The following PCDHB7 variants were observed in gnomAD, a reference collection of about 807,000 sequenced individuals.
PCDHB7 encodes protocadherin beta 7, also known as protocadherin beta-7.
For missense variants in PCDHB7, 1,148 were observed against 1,011.6 expected (o/e 1.13, Z -1.83); for synonymous variants, 542 against 463.1 (o/e 1.17, Z -2.19).
In PCDHB7 at chr5:141,175,963, G is replaced by C. The variant is rs1554280599; in HGVS notation, c.*746G>C. On this transcript the variant is annotated 3_prime_UTR_variant, in exon 1 of 1. Transcript: ENST00000231137. The stretch of plus-strand genomic sequence containing the variant: ...TATTTTCTTATACACCAAAAGTCCT[G>C]CTTTTCTGGGTCAATTTTCAACTAT... The C allele has an allele frequency of 1.2e-5, 2 of 167,136 alleles. No homozygotes were observed. The highest frequency in any genetic ancestry group is 1.3e-4 in the Admixed American group (2 of 15,280). The allele number at this position is 167,136 out of a possible 1,614,324, so 10.4% of individuals were successfully genotyped here. A position where few individuals can be genotyped will look rare whatever the true frequency, so the allele number is the denominator to read the frequency against.
At position 141,175,333 on chromosome 5, in the gene PCDHB7, G is replaced by A. The variant is rs561001565; in HGVS notation, c.*116G>A. The A allele has an allele frequency of 1.2e-4, 140 of 1,130,862 alleles. 3 individuals are homozygous for A. The South Asian group carries it at 2.3e-3, about 19-fold the overall frequency. The allele number at this position is 1,130,862 out of a possible 1,614,324, so 70.1% of individuals were successfully genotyped here. A position where few individuals can be genotyped will look rare whatever the true frequency, so the allele number is the denominator to read the frequency against. On this transcript the variant is annotated 3_prime_UTR_variant, in exon 1 of 1. Transcript: ENST00000231137. ...TTCAAATATGTACTCTTGAAGTCAA[G>A]CAATAAATTTCTATACATAAAATAG...
rs115264222 is a variant in PCDHB7 at position 141,174,218 on chromosome 5, T to A, written c.1383T>A (p.Arg461=). ...AAACCTCCTACACCCTGTTTGTCCG[T>A]GAGAACAACAGCCCCGCCCTGCCCA... ...FTQTSYTLFV[R]ENNSPALPIG... The change falls in exon 1 of 1, where the codon CGT becomes CGA. Residue 461 remains arginine, a synonymous_variant. Transcript: ENST00000231137. The A allele has an allele frequency of 1.3e-4, 209 of 1,613,170 alleles. No individual in the cohort carries two copies. Among genetic ancestry groups the A allele is most frequent in the Non-Finnish European group, 1.7e-4 (202 of 1,180,012 alleles).
rs781938204 is a variant in PCDHB7, at chr5:141,173,971, G to C, written c.1136G>C (p.Gly379Ala). 1.4e-5 allele frequency: 23 copies of C among 1,613,998 alleles called. No individual in the cohort carries two copies. The South Asian group carries it at 2.4e-4, about 17-fold the overall frequency. ...AGAGACAGAGATTCCGGGAACAATGGAAAGACAGTGTGCTCCATCCAGGAC... is the reference window on the plus strand; with the variant it reads ...AGAGACAGAGATTCCGGGAACAATGCAAAGACAGTGTGCTCCATCCAGGAC... ...RIRDRDSGNN[G>A]KTVCSIQDDV... The change falls in exon 1 of 1, where the codon GGA becomes GCA. Residue 379 changes from glycine (G) to alanine (A), a missense_variant. Gly to Ala is a moderately conservative substitution (Grantham distance 60, BLOSUM62 0). Coordinates refer to ENST00000231137, the MANE Select transcript of PCDHB7 (RefSeq NM_018940.4).
In PCDHB7 at chr5:141,174,525, C is replaced by G. The variant is rs1753320577; in HGVS notation, c.1690C>G (p.Pro564Ala). The G allele has an allele frequency of 6.2e-7, 1 of 1,610,538 alleles. No homozygotes were observed. Among genetic ancestry groups the G allele is most frequent in the Non-Finnish European group, 8.5e-7 (1 of 1,179,654 alleles). ...CGACAACTCGCCCTTCGTGCTGTAC[C>G]CGCTGCAGAACAGCTCCGCGCCCTG... ...ANDNSPFVLYPLQNSSAPCTE... is the reference protein window; with the variant it reads ...ANDNSPFVLYALQNSSAPCTE... The change falls in exon 1 of 1, where the codon CCG (proline) becomes GCG (alanine). Residue 564 changes from proline to alanine, a missense_variant. Transcript: ENST00000231137.
rs1219475216 is a variant in PCDHB7, at chr5:141,172,645, G to C, written c.-191G>C. ...CAAAGAAAGGATGTTACAGATTCCA[G>C]AGCAAAGAGGCAATCTGAAGAGAAA... On this transcript the variant is annotated 5_prime_UTR_variant, in exon 1 of 1. Coordinates refer to ENST00000231137, the MANE Select transcript of PCDHB7 (RefSeq NM_018940.4). 14 of 520,034 alleles carry C rather than the reference G, an allele frequency of 2.7e-5. No individual in the cohort carries two copies. Among genetic ancestry groups the C allele is most frequent in the African/African-American group, 2.7e-4 (14 of 52,242 alleles). 32.2% of individuals were successfully genotyped at this position (520,034 alleles called of 1,614,324 possible). A position where few individuals can be genotyped will look rare whatever the true frequency, so the allele number is the denominator to read the frequency against.
rs1554279953 is a variant in PCDHB7, at chr5:141,173,261, A to G, written c.426A>G (p.Ile142Met). ...TAGACAGAGAGATTTCCTTGAAAAT[A>G]TTAGAAAGTACCACTCCAGGGGCGG... ...VFLDREISLK[I>M]LESTTPGAAF... The change falls in exon 1 of 1, where the codon ATA becomes ATG. Residue 142 changes from isoleucine (I) to methionine (M), a missense_variant. Coordinates refer to ENST00000231137, the MANE Select transcript of PCDHB7 (RefSeq NM_018940.4). 4 of 1,614,170 alleles carry G rather than the reference A, an allele frequency of 2.5e-6. No individual in the cohort carries two copies. Among genetic ancestry groups the G allele is most frequent in the Non-Finnish European group, 8.5e-7 (1 of 1,180,032 alleles).
chr5:141,173,627 G>A lies in PCDHB7; in HGVS notation c.792G>A (p.Val264=), dbSNP rs562999918. 25 of 1,614,124 alleles carry A rather than the reference G, an allele frequency of 1.5e-5. No homozygotes were observed. The South Asian group carries it at 2.5e-4, about 16-fold the overall frequency. Residue 264 remains valine, a synonymous_variant, in exon 1 of 1, where the codon GTG becomes GTA. Coordinates refer to ENST00000231137, the MANE Select transcript of PCDHB7 (RefSeq NM_018940.4). ...CCGTTGGTTCCATGGTTGTCTCCGT[G>A]TCAGCCAGAGATTTAGATACCGGAA... The part of the protein sequence containing the change: ...NSPVGSMVVS[V]SARDLDTGSN...
Position 141,174,023 on chromosome 5 carries a change from T to G in PCDHB7, c.1188T>G (p.Ser396=). The G allele has an allele frequency of 6.2e-7, 1 of 1,614,210 alleles. No individual in the cohort carries two copies. The highest frequency in any genetic ancestry group is 8.5e-7 in the Non-Finnish European group (1 of 1,180,030). ...QDDVPFILKP[S]VENFYTLVTE... ...ATGTCCCCTTCATCCTGAAGCCATCTGTCGAAAACTTCTATACTCTGGTAA... is the reference window on the plus strand; with the variant it reads ...ATGTCCCCTTCATCCTGAAGCCATCGGTCGAAAACTTCTATACTCTGGTAA... The change falls in exon 1 of 1, where the codon TCT becomes TCG. Residue 396 remains serine (S), a synonymous_variant. Coordinates refer to ENST00000231137, the MANE Select transcript of PCDHB7 (RefSeq NM_018940.4).
rs1245862030 is a variant in PCDHB7 at position 141,175,489 on chromosome 5, T to C, written c.*272T>C. 3 of 477,368 alleles carry C rather than the reference T, an allele frequency of 6.3e-6. No individual in the cohort carries two copies. Among genetic ancestry groups the C allele is most frequent in the African/African-American group, 2.1e-5 (1 of 47,804 alleles). 29.6% of individuals were successfully genotyped at this position (477,368 alleles called of 1,614,324 possible). On this transcript the variant is annotated 3_prime_UTR_variant, in exon 1 of 1. Coordinates refer to ENST00000231137, the MANE Select transcript of PCDHB7 (RefSeq NM_018940.4). Reference sequence around the variant, plus strand: ...TTGTTTGAGATATTTTAAATTGCTTTCCATTGTTTTCAATCTCTACTGAGA... The same window carrying C: ...TTGTTTGAGATATTTTAAATTGCTTCCCATTGTTTTCAATCTCTACTGAGA...
rs2149653044 is a variant in PCDHB7, at chr5:141,174,220, A to G, written c.1385A>G (p.Glu462Gly). The change falls in exon 1 of 1, where the codon GAG becomes GGG. Residue 462 changes from glutamate (E) to glycine (G), a missense_variant. Coordinates refer to ENST00000231137, the MANE Select transcript of PCDHB7 (RefSeq NM_018940.4). Reference sequence around the variant, plus strand: ...ACCTCCTACACCCTGTTTGTCCGTGAGAACAACAGCCCCGCCCTGCCCATC... The same window carrying G: ...ACCTCCTACACCCTGTTTGTCCGTGGGAACAACAGCCCCGCCCTGCCCATC... ...TQTSYTLFVR[E>G]NNSPALPIGS... 2 of 1,613,336 alleles carry G rather than the reference A, an allele frequency of 1.2e-6. No homozygotes were observed. Among genetic ancestry groups the G allele is most frequent in the Non-Finnish European group, 1.7e-6 (2 of 1,180,040 alleles).
rs782019675 is a variant in PCDHB7 at position 141,174,266 on chromosome 5, C to CA, written c.1432dup (p.Arg478LysfsTer250). 1 of 1,612,516 alleles carries CA rather than the reference C, an allele frequency of 6.2e-7. No individual in the cohort carries two copies. Among genetic ancestry groups the CA allele is most frequent in the Non-Finnish European group, 8.5e-7 (1 of 1,179,616 alleles). ...CCATCGGCAGTGTCAGCGCCACAGA[C>CA]AGAGACTCGGGCACCAACGCCCAGG... On this transcript the variant is annotated frameshift_variant, in exon 1 of 1. Transcript: ENST00000231137. LOFTEE classifies it low-confidence loss of function (END_TRUNC).
chr5:141,173,538 G>T lies in PCDHB7; in HGVS notation c.703G>T (p.Val235Leu), dbSNP rs574144062. ...TALVRILVLDVNDNAPDFVRS... is the reference protein window; with the variant it reads ...TALVRILVLDLNDNAPDFVRS... ...CCTCGTGCGCATTCTGGTTCTAGAC[G>T]TAAATGACAACGCCCCTGATTTTGT... Residue 235 changes from valine (V) to leucine (L), a missense_variant, in exon 1 of 1, where the codon GTA becomes TTA. Val to Leu is a conservative substitution (Grantham distance 32). Transcript: ENST00000231137. 3 of 1,613,560 alleles carry T rather than the reference G, an allele frequency of 1.9e-6. No individual in the cohort carries two copies. Among genetic ancestry groups the T allele is most frequent in the African/African-American group, 2.7e-5 (2 of 74,896 alleles).
rs200611215 is a variant in PCDHB7 at position 141,173,654 on chromosome 5, T to C, written c.819T>C (p.Ser273=). Residue 273 remains serine, a synonymous_variant, in exon 1 of 1, where the codon AGT becomes AGC. Coordinates refer to ENST00000231137, the MANE Select transcript of PCDHB7 (RefSeq NM_018940.4). The part of the protein sequence containing the change: ...SVSARDLDTG[S]NGEIAYAFSY... ...CAGCCAGAGATTTAGATACCGGAAG[T>C]AATGGGGAAATAGCCTATGCATTTT... The C allele has an allele frequency of 6.2e-7, 1 of 1,614,150 alleles. No individual in the cohort carries two copies. Among genetic ancestry groups the C allele is most frequent in the Admixed American group, 1.7e-5 (1 of 60,024 alleles).
Position 141,175,475 on chromosome 5 carries a change from AT to A in PCDHB7, c.*262del. 1 of 511,332 alleles carries A rather than the reference AT, an allele frequency of 2.0e-6. No homozygotes were observed. Among genetic ancestry groups the A allele is most frequent in the Non-Finnish European group, 3.3e-6 (1 of 302,590 alleles). The allele number at this position is 511,332 out of a possible 1,614,324, so 31.7% of individuals were successfully genotyped here. On this transcript the variant is annotated 3_prime_UTR_variant, in exon 1 of 1. Transcript: ENST00000231137. ...ATTAAATGTAAGTCTTGTTTGAGATATTTTAAATTGCTTTCCATTGTTTTCA... is the reference window on the plus strand; with the variant it reads ...ATTAAATGTAAGTCTTGTTTGAGATATTTAAATTGCTTTCCATTGTTTTCA...
At position 141,174,996 on chromosome 5, in the gene PCDHB7, G is replaced by A. The variant is rs141902328; in HGVS notation, c.2161G>A (p.Gly721Ser). 3,138 of 1,613,756 alleles carry A rather than the reference G, an allele frequency of 1.9e-3. 53 individuals are homozygous for A. In the African/African-American group the frequency reaches 0.038, roughly 20 times the overall value. Residue 721 changes from glycine to serine, a missense_variant, in exon 1 of 1, where the codon GGT becomes AGT. Physicochemically the swap from Gly to Ser is moderately conservative, Grantham distance 56. Coordinates refer to ENST00000231137, the MANE Select transcript of PCDHB7 (RefSeq NM_018940.4). Reference protein sequence around the residue: ...LCRRSRAAPVGRCSVPEGPFP... With the variant: ...LCRRSRAAPVSRCSVPEGPFP... ...CAGGAGGAGCAGGGCGGCCCCGGTG[G>A]GTCGCTGCTCGGTGCCTGAGGGCCC...
In PCDHB7 at chr5:141,174,013, T is replaced by G. The variant is rs782274102; in HGVS notation, c.1178T>G (p.Leu393Arg). 5.6e-6 allele frequency: 9 copies of G among 1,614,206 alleles called. No homozygotes were observed. Among genetic ancestry groups the G allele is most frequent in the Non-Finnish European group, 7.6e-6 (9 of 1,180,030 alleles). Residue 393 changes from leucine to arginine, a missense_variant, in exon 1 of 1, where the codon CTG becomes CGG. By Grantham distance (102) the Leu-to-Arg change is moderately radical (BLOSUM62 -2). Transcript: ENST00000231137. ...ATCCAGGACGATGTCCCCTTCATCC[T>G]GAAGCCATCTGTCGAAAACTTCTAT... ...CSIQDDVPFILKPSVENFYTL... is the reference protein window; with the variant it reads ...CSIQDDVPFIRKPSVENFYTL...
rs1197687221 is a variant in PCDHB7, at chr5:141,173,187, C to G, written c.352C>G (p.Arg118Gly). The G allele has an allele frequency of 6.2e-7, 1 of 1,613,606 alleles. No individual in the cohort carries two copies. The highest frequency in any genetic ancestry group is 8.5e-7 in the Non-Finnish European group (1 of 1,179,828). Reference sequence around the variant, plus strand: ...ATTGGAAAAACCTTTTCAGATTTTCCGTGCTGAACTATGGGTCAGAGACAT... The same window carrying G: ...ATTGGAAAAACCTTTTCAGATTTTCGGTGCTGAACTATGGGTCAGAGACAT... The part of the protein sequence containing the change: ...LLLEKPFQIF[R>G]AELWVRDIND... Residue 118 changes from arginine (R) to glycine (G), a missense_variant, in exon 1 of 1, where the codon CGT becomes GGT. Transcript: ENST00000231137.
In PCDHB7 at chr5:141,173,740, A is replaced by T. The variant is rs184779438; in HGVS notation, c.905A>T (p.His302Leu). The change falls in exon 1 of 1, where the codon CAT becomes CTT. Residue 302 changes from histidine (H) to leucine (L), a missense_variant. Coordinates refer to ENST00000231137, the MANE Select transcript of PCDHB7 (RefSeq NM_018940.4). The stretch of plus-strand genomic sequence containing the variant: ...ATCAATCCAACATCTGGCAGTCTTC[A>T]TCTTAAAGCGCAATTGGACTATGAG... ...FQINPTSGSL[H>L]LKAQLDYEAI... The T allele has an allele frequency of 1.2e-6, 2 of 1,614,008 alleles. No homozygotes were observed. The highest frequency in any genetic ancestry group is 2.2e-5 in the South Asian group (2 of 91,074).
In PCDHB7 at chr5:141,173,251, C is replaced by T. The variant is rs782805831; in HGVS notation, c.416C>T (p.Ser139Phe). Residue 139 changes from serine (S) to phenylalanine (F), a missense_variant, in exon 1 of 1, where the codon TCC (serine) becomes TTC (phenylalanine). By Grantham distance (155) the Ser-to-Phe change is radical. Coordinates refer to ENST00000231137, the MANE Select transcript of PCDHB7 (RefSeq NM_018940.4). ...CCAGTATTTCTAGACAGAGAGATTT[C>T]CTTGAAAATATTAGAAAGTACCACT... ...HAPVFLDREI[S>F]LKILESTTPG... 2 of 1,614,122 alleles carry T rather than the reference C, an allele frequency of 1.2e-6. No homozygotes were observed. Among genetic ancestry groups the T allele is most frequent in the South Asian group, 1.1e-5 (1 of 91,078 alleles).
Sources: allele counts gnomAD v4.1 joint callset, GRCh38; gene constraint gnomAD v4.1.1; transcripts MANE v1.5; gene names NCBI Gene and HGNC (gene_info 2026-07-23, HGNC 2026-07-21).